Variants in SEC11A observed in about 807,000 individuals in gnomAD.
The protein encoded by SEC11A is SEC11 homolog A, signal peptidase complex subunit, also known as signal peptidase complex catalytic subunit SEC11A.
Under a neutral mutation model 25.6 loss-of-function variants are expected in SEC11A, and 14 were observed. The observed-to-expected ratio is 0.55, with a 90% confidence interval of 0.36 to 0.85. The LOEUF (loss-of-function observed/expected upper bound fraction) is 0.85, where lower values mean the gene tolerates loss of function less well. Among genes scored for constraint, SEC11A ranks in the 40% least tolerant of loss-of-function variants. The pLI, the probability that SEC11A is intolerant of heterozygous loss-of-function variation, is 0.01. For missense variants in SEC11A, 153 were observed against 222.9 expected, an observed-to-expected ratio of 0.69 and a Z score of 2.00; for synonymous variants, 83 against 76.4, an observed-to-expected ratio of 1.09 and a Z score of -0.45.
At chr15:84,672,836 C>T (rs1274015376) in intron 4 of SEC11A, 3 of 208,506 alleles carry the variant, frequency 1.4e-5, no homozygotes, top group East Asian at 1.7e-4. Context: ...TCTGCCTGGC[C>T]GCCCATCGTC....
At chr15:84,706,012 T>C (rs1898083524) in intron 1 of SEC11A, among the ~76,000 whole-genome samples, 1 of 151,638 alleles carries the variant, frequency 6.6e-6, no homozygotes, top group South Asian at 2.1e-4. Context: ...CCTGGGTTCA[T>C]GCGATTCTCC....
intron 1 of SEC11A, among the ~76,000 whole-genome samples, chr15:84,697,473 T>C (rs16974502): frequency 0.014 from 2,171 of 152,330 alleles, 50 homozygotes; most frequent in African/African-American, 0.045. Flanking sequence ...TTCCTGATTA[T>C]GTATAACTGG....
intron 1 of SEC11A, among the ~76,000 whole-genome samples, chr15:84,696,582 G>A (rs547987698): frequency 4.9e-4 from 74 of 152,220 alleles, no homozygotes; most frequent in Non-Finnish European, 6.6e-4. Flanking sequence ...CAAAACCCTT[G>A]GGGGTCAGAT....
intron 1 of SEC11A, among the ~76,000 whole-genome samples, chr15:84,709,732 T>C (rs756370059): frequency 5.9e-5 from 9 of 152,052 alleles, no homozygotes; most frequent in Admixed American, 2.0e-4. Flanking sequence ...CGTGAGCCAC[T>C]GCACCTGGCC....
chr15:84,688,545 T>C (rs1395173460), intron 2 of SEC11A, among the ~76,000 whole-genome samples: 1 of 152,238 alleles, frequency 6.6e-6, no homozygotes, highest in Non-Finnish European at 1.5e-5. Context: ...CCATCAGTCT[T>C]TTTCAGAAAC....
chr15:84,669,853 C>A lies in SEC11A; in HGVS notation c.*166G>T. Reference sequence around the variant, plus strand: ...AGTGCACTCTGTGGTGCACATGCGCCCGCCCACACAAACTCTGGCATGGAA... The same window carrying A: ...AGTGCACTCTGTGGTGCACATGCGCACGCCCACACAAACTCTGGCATGGAA... On this transcript the variant is annotated 3_prime_UTR_variant, in exon 6 of 6. Transcript: ENST00000268220. 1 of 1,304,376 alleles carries A rather than the reference C, an allele frequency of 7.7e-7. No homozygotes were observed. 80.8% of individuals were successfully genotyped at this position (1,304,376 alleles called of 1,614,324 possible).
intron 4 of SEC11A, among the ~76,000 whole-genome samples, chr15:84,674,317 A>G (rs1437085197): frequency 1.3e-5 from 2 of 151,896 alleles, no homozygotes; most frequent in Non-Finnish European, 2.9e-5. Flanking sequence ...TCAGTAAATC[A>G]CCTAATTTAA....
At chr15:84,697,634 CTT>C (rs1199895900) in intron 1 of SEC11A, among the ~76,000 whole-genome samples, 1 of 152,194 alleles carries the variant, frequency 6.6e-6, no homozygotes, top group Non-Finnish European at 1.5e-5. Flanking sequence ...TTTACCCTCT[CTT>C]TTCCTGCCAA....
At chr15:84,705,779 C>T (rs1021353981) in intron 1 of SEC11A, among the ~76,000 whole-genome samples, 1 of 151,568 alleles carries the variant, frequency 6.6e-6, no homozygotes, top group Non-Finnish European at 1.5e-5. Context: ...CGCTTGAACC[C>T]AGGAGGCAGA....
rs1158274247 is a variant in SEC11A at position 84,716,028 on chromosome 15, C to A, written c.48G>T (p.Arg16=). The change falls in exon 1 of 6, where the codon CGG becomes CGT. Residue 16 remains arginine, a synonymous_variant. Coordinates refer to ENST00000268220, the MANE Select transcript of SEC11A (RefSeq NM_014300.4). ...FLDDVRRMNK[R]QLYYQVLNFG... ...AAAAGAGGACGGACAAGCTCACCTG[C>A]CGCTTGTTCATCCGCCGCACATCGT... 6.2e-7 allele frequency: 1 copy of A among 1,613,448 alleles called. No homozygotes were observed. Among genetic ancestry groups the A allele is most frequent in the Non-Finnish European group, 8.5e-7 (1 of 1,179,612 alleles).
intron 2 of SEC11A, among the ~76,000 whole-genome samples, chr15:84,689,009 A>T (rs1281184479): frequency 1.3e-5 from 2 of 149,574 alleles, no homozygotes; most frequent in African/African-American, 4.9e-5. Context: ...CAGCCTGGGC[A>T]ATACAGTGAG....
chr15:84,685,102 A>T (rs1897381061), intron 3 of SEC11A, among the ~76,000 whole-genome samples: 1 of 152,094 alleles, frequency 6.6e-6, no homozygotes, highest in African/African-American at 2.4e-5. Flanking sequence ...ATCACCAAAA[A>T]CCCCAGATTA....
chr15:84,708,602 CAAAA>C (rs901495483), intron 1 of SEC11A, among the ~76,000 whole-genome samples: 1 of 151,722 alleles, frequency 6.6e-6, no homozygotes, highest in Non-Finnish European at 1.5e-5. Context: ...CTCAACTCTA[CAAAA>C]AATACAAAAA....
chr15:84,680,925 C>T, intron 3 of SEC11A, 93 bp from the exon 4 acceptor site: 3 of 1,077,410 alleles, frequency 2.8e-6, no homozygotes, highest in Non-Finnish European at 2.6e-6. Flanking sequence ...GTTTGTGGCA[C>T]TGGGGTATCT....
At chr15:84,712,655 C>A (rs1468194194) in intron 1 of SEC11A, among the ~76,000 whole-genome samples, 1 of 151,798 alleles carries the variant, frequency 6.6e-6, no homozygotes, top group Non-Finnish European at 1.5e-5. Flanking sequence ...ACCATGTTGG[C>A]CAGGCTGGTC....
chr15:84,690,651 G>C (rs958841191), intron 2 of SEC11A, among the ~76,000 whole-genome samples: 4 of 152,008 alleles, frequency 2.6e-5, no homozygotes, highest in African/African-American at 7.2e-5. Context: ...TGAGTGCAAA[G>C]ATAGGGAAGG....
intron 4 of SEC11A, among the ~76,000 whole-genome samples, chr15:84,679,566 C>T (rs1288489321): frequency 6.6e-6 from 1 of 152,170 alleles, no homozygotes; most frequent in Non-Finnish European, 1.5e-5. Context: ...TGTTCTAGGT[C>T]AAAAGGAGCA....
chr15:84,684,280 C>A (rs545451569), intron 3 of SEC11A, among the ~76,000 whole-genome samples: 1 of 152,244 alleles, frequency 6.6e-6, no homozygotes, highest in South Asian at 2.1e-4. Flanking sequence ...GGGAGGTACC[C>A]AGTGGGAGGT....
At chr15:84,693,995 C>G (rs1897685088) in intron 1 of SEC11A, among the ~76,000 whole-genome samples, 1 of 152,116 alleles carries the variant, frequency 6.6e-6, no homozygotes, top group South Asian at 2.1e-4. Flanking sequence ...ATCTGTGTGA[C>G]AGATTACAGG....
Sources: allele counts gnomAD v4.1 joint callset (sites outside exome capture counted in the v4.1 genomes callset), GRCh38; gene constraint gnomAD v4.1.1; transcripts MANE v1.5; gene names NCBI Gene and HGNC (gene_info 2026-07-23, HGNC 2026-07-21).